The following ADAMTS13 variants were observed in gnomAD, a reference collection of about 807,000 sequenced individuals.
ADAMTS13 encodes the protein A disintegrin and metalloproteinase with thrombospondin motifs 13.
Under a neutral mutation model 155.1 loss-of-function variants are expected in ADAMTS13, and 110 were observed. That is an observed-to-expected ratio of 0.71 (90% CI 0.61 to 0.83). The LOEUF (loss-of-function observed/expected upper bound fraction) is 0.83, where lower values mean the gene tolerates loss of function less well. ADAMTS13 is among the 40% of genes least tolerant of loss of function. The pLI is 0.00. For synonymous variants in ADAMTS13, 758 were observed against 756.4 expected (o/e 1.00, Z -0.03); for missense variants, 1,707 against 1,891.7 (o/e 0.90, Z 1.81).
Position 133,442,490 on chromosome 9 carries a change from T to TGTGGGCCGCTGTGC in ADAMTS13, c.2068_2081dup (p.Cys695LeufsTer8), listed in dbSNP as rs1274055347. ...CAGCCTAAGCCACGGCAGGCCTGGG[T>TGTGGGCCGCTGTGC]GTGGGCCGCTGTGCGTGGGCCCTGC... is the stretch of plus-strand genomic sequence containing the variant. On this transcript the variant is annotated frameshift_variant, in exon 17 of 29. Coordinates refer to ENST00000355699, the MANE Select transcript of ADAMTS13 (RefSeq NM_139027.6). LOFTEE classifies it high-confidence loss of function. 3 of 1,613,536 alleles carry TGTGGGCCGCTGTGC rather than the reference T, an allele frequency of 1.9e-6. No individual in the cohort carries two copies. The highest frequency in any genetic ancestry group is 1.7e-6 in the Non-Finnish European group (2 of 1,180,036).
chr9:133,419,672 G>A (rs1161517233), upstream of ADAMTS13, among the ~76,000 whole-genome samples: 1 of 152,166 alleles, frequency 6.6e-6, no homozygotes, highest in Non-Finnish European at 1.5e-5. Context: ...TGAGAAGGAC[G>A]AGGACAGAGA....
intron 8 of ADAMTS13, among the ~76,000 whole-genome samples, chr9:133,431,030 A>G (rs975108242): frequency 1.3e-5 from 2 of 151,776 alleles, no homozygotes; most frequent in African/African-American, 4.8e-5. Context: ...CAGTAGCACA[A>G]TCATAGCTCA....
chr9:133,446,772 A>G (rs1842091519), intron 21 of ADAMTS13, among the ~76,000 whole-genome samples: 1 of 152,194 alleles, frequency 6.6e-6, no homozygotes, highest in South Asian at 2.1e-4. Context: ...CAGTGGCTGC[A>G]CCATTTTACA....
At chr9:133,418,809 CGCG>C (rs1177450166), upstream of ADAMTS13, among the ~76,000 whole-genome samples, 1 of 152,192 alleles carries the variant, frequency 6.6e-6, no homozygotes, top group Non-Finnish European at 1.5e-5. Flanking sequence ...AGGCCCAGGG[CGCG>C]GCGCCGGGCT....
At chr9:133,427,102 C>CT (rs1159167456) in intron 6 of ADAMTS13, among the ~76,000 whole-genome samples, 1 of 152,240 alleles carries the variant, frequency 6.6e-6, no homozygotes, top group African/African-American at 2.4e-5. Context: ...TGCATCCAGC[C>CT]TTTCTTTTTT....
rs587667471 is a variant in ADAMTS13 at position 133,430,087 on chromosome 9, G to T, written c.973G>T (p.Ala325Ser). 1.3e-6 allele frequency: 2 copies of T among 1,589,908 alleles called. No individual in the cohort carries two copies. The highest frequency in any genetic ancestry group is 2.2e-5 in the East Asian group (1 of 44,478). Reference sequence around the variant, plus strand: ...CCCCAAGGCTGTCGCCTGCACCTTCGCCAGGGAGCACCTGGTGAGTCTGCC... The same window carrying T: ...CCCCAAGGCTGTCGCCTGCACCTTCTCCAGGGAGCACCTGGTGAGTCTGCC... The part of the protein sequence containing the change: ...FGPKAVACTF[A>S]REHLDMCQAL... Residue 325 changes from alanine (A) to serine (S), a missense_variant, in exon 8 of 29, where the codon GCC becomes TCC. Ala to Ser is a moderately conservative substitution (Grantham distance 99, BLOSUM62 1). Transcript: ENST00000355699.
At chr9:133,414,761 G>C (rs782702752) in intron 1 of ADAMTS13, 4 of 1,614,160 alleles carry the variant, frequency 2.5e-6, no homozygotes, top group Non-Finnish European at 3.4e-6. Flanking sequence ...CCTTTCCTTG[G>C]TTCCTTTCTT....
chr9:133,450,664 G>T (rs1259573741), intron 23 of ADAMTS13, among the ~76,000 whole-genome samples: 1 of 152,098 alleles, frequency 6.6e-6, no homozygotes, highest in African/African-American at 2.4e-5. Context: ...CAGGAGAATC[G>T]CTTGAACCCG....
At chr9:133,447,546 C>T (rs1451146955) in intron 21 of ADAMTS13, among the ~76,000 whole-genome samples, 1 of 152,196 alleles carries the variant, frequency 6.6e-6, no homozygotes, top group Non-Finnish European at 1.5e-5. Flanking sequence ...GGATTATAGG[C>T]ATGAGCCACT....
intron 16 of ADAMTS13, 109 bp from the exon 17 acceptor site, chr9:133,442,290 A>C: frequency 6.4e-7 from 1 of 1,561,960 alleles, no homozygotes; most frequent in Non-Finnish European, 8.8e-7. Context: ...TTGCTGAACG[A>C]AAGATTATAG....
chr9:133,444,934 G>A lies in ADAMTS13; in HGVS notation c.2492G>A (p.Cys831Tyr), dbSNP rs782816059. The A allele has an allele frequency of 5.0e-6, 8 of 1,613,520 alleles. No homozygotes were observed. Among genetic ancestry groups the A allele is most frequent in the South Asian group, 1.1e-5 (1 of 91,088 alleles). The change falls in exon 20 of 29, where the codon TGT becomes TAT. Residue 831 changes from cysteine to tyrosine, a missense_variant. Around this residue, in one of 3 missense-constraint regions of ADAMTS13, gnomAD observed 961 missense variants for 1,107.9 expected, o/e 0.87. Coordinates refer to ENST00000355699, the MANE Select transcript of ADAMTS13 (RefSeq NM_139027.6). The part of the protein sequence containing the change: ...GAGLALENET[C>Y]VPGADGLEAP... ...GGCCTGGCCTTGGAGAACGAGACCT[G>A]TGTGCCAGGGGCAGATGGCCTGGAG...
intron 27 of ADAMTS13, 94 bp from the exon 28 acceptor site, chr9:133,457,816 A>G: frequency 6.6e-7 from 1 of 1,515,946 alleles, no homozygotes; most frequent in Admixed American, 1.7e-5. Flanking sequence ...CCACAGTGCC[A>G]TGCTGCCCTG....
chr9:133,415,370 TC>T (rs1366688505), intron 1 of ADAMTS13, among the ~76,000 whole-genome samples: 2 of 151,714 alleles, frequency 1.3e-5, no homozygotes, highest in Non-Finnish European at 2.9e-5. Context: ...GGAGTTAACT[TC>T]CCTCACAGCT....
In ADAMTS13 at chr9:133,455,120, G is replaced by T. The variant is rs368413593; in HGVS notation, c.3250-165G>T. Among the ~76,000 whole-genome samples, 32 of 152,280 alleles carry T rather than the reference G, an allele frequency of 2.1e-4. No individual in the cohort carries two copies. In the East Asian group the frequency reaches 5.0e-3, roughly 24 times the overall value. ...CCTCCCACCTATATGACCCATGCAA[G>T]GTGCCCTCTCTGAGCCTCAGTTTTC... On this transcript the variant is annotated intron_variant, in intron 24 of 28. Coordinates refer to ENST00000355699, the MANE Select transcript of ADAMTS13 (RefSeq NM_139027.6).
chr9:133,430,181 G>C (rs1422096345), intron 8 of ADAMTS13, 80 bp downstream of exon 8: 2 of 1,524,002 alleles, frequency 1.3e-6, no homozygotes, highest in African/African-American at 2.7e-5. Flanking sequence ...AAACGTGCAT[G>C]GTGAGAACCT....
At chr9:133,420,274 C>T (rs1336240949), upstream of ADAMTS13, among the ~76,000 whole-genome samples, 1 of 152,162 alleles carries the variant, frequency 6.6e-6, no homozygotes, top group Non-Finnish European at 1.5e-5. Context: ...CTCCTGACCT[C>T]ATGATCCGCG....
In ADAMTS13 at chr9:133,456,881, C is replaced by T. The variant is rs374381669; in HGVS notation, c.3724+162C>T. ...TGGGGTTGGCCAGTGTCAGTCTGCACGTGCCAGGGAGGGGTCACAGGATGA... is the reference window on the plus strand; with the variant it reads ...TGGGGTTGGCCAGTGTCAGTCTGCATGTGCCAGGGAGGGGTCACAGGATGA... On this transcript the variant is annotated intron_variant, in intron 27 of 28. Transcript: ENST00000355699. This position sits in a 1 kb window ranked among gnomAD's most constrained non-coding sequence, Gnocchi z 4.4. The T allele has an allele frequency of 6.3e-5, 57 of 907,938 alleles. 2 individuals are homozygous for T. The highest frequency in any genetic ancestry group is 3.4e-4 in the African/African-American group (21 of 61,010). The allele number at this position is 907,938 out of a possible 1,614,324, so 56.2% of individuals were successfully genotyped here.
chr9:133,418,534 G>C (rs1448058703), upstream of ADAMTS13, among the ~76,000 whole-genome samples: 1 of 152,204 alleles, frequency 6.6e-6, no homozygotes, highest in Non-Finnish European at 1.5e-5. Context: ...TTTATTTAGT[G>C]GGGAGCATCG....
chr9:133,440,439 T>C lies in ADAMTS13; in HGVS notation c.1882T>C (p.Tyr628His). 1 of 1,613,518 alleles carries C rather than the reference T, an allele frequency of 6.2e-7. No homozygotes were observed. Among genetic ancestry groups the C allele is most frequent in the Non-Finnish European group, 8.5e-7 (1 of 1,179,910 alleles). The change falls in exon 16 of 29, where the codon TAC becomes CAC. Residue 628 changes from tyrosine to histidine, a missense_variant. Transcript: ENST00000355699. This position sits in a 1 kb window ranked among gnomAD's most constrained non-coding sequence, Gnocchi z 4.3. ...CCTCCTGGAGGATGGTCGTGTCGAG[T>C]ACAGAGTGGCCCTCACCGAGGACCG... The part of the protein sequence containing the change: ...PSLLEDGRVE[Y>H]RVALTEDRLP...
Sources: allele counts gnomAD v4.1 joint callset (sites outside exome capture counted in the v4.1 genomes callset), GRCh38; gene constraint gnomAD v4.1.1; regional missense constraint gnomAD v4.1.1; non-coding constraint Gnocchi (gnomAD v3.1); transcripts MANE v1.5; gene names NCBI Gene and HGNC (gene_info 2026-07-23, HGNC 2026-07-21).